The following RYR3 variants were observed in gnomAD, a reference collection of about 807,000 sequenced individuals.
RYR3 encodes the protein brain ryanodine receptor-calcium release channel.
Under a neutral mutation model 584.3 loss-of-function variants are expected in RYR3, and 207 were observed. The ratio of observed to expected loss-of-function variants is 0.35; its 90% CI spans 0.32 to 0.40. The LOEUF (loss-of-function observed/expected upper bound fraction) is 0.40, where lower values mean the gene tolerates loss of function less well. Among genes scored for constraint, RYR3 ranks in the 10% least tolerant of loss-of-function variants. The probability of loss-of-function intolerance (pLI) is 1.00; values close to 1 mark genes in which losing one functional copy is unlikely to be tolerated. For missense variants in RYR3, 5,616 were observed against 6,089.2 expected, an observed-to-expected ratio of 0.92 and a Z score of 2.59; for synonymous variants, 2,416 against 2,248.5, an observed-to-expected ratio of 1.07 and a Z score of -2.11.
At chr15:33,811,621 T>TTGGA (rs1555468844) in intron 72 of RYR3, among the ~76,000 whole-genome samples, 1 of 151,306 alleles carries the variant, frequency 6.6e-6, no homozygotes, top group Non-Finnish European at 1.5e-5. Flanking sequence ...ACAAAGAGGA[T>TTGGA]TACAAAGAGG....
At chr15:33,474,606 T>G (rs1010933492) in intron 2 of RYR3, among the ~76,000 whole-genome samples, 1 of 152,240 alleles carries the variant, frequency 6.6e-6, no homozygotes, top group Non-Finnish European at 1.5e-5. Flanking sequence ...GTCGTTTGGC[T>G]GAATAACGGC....
chr15:33,788,423 C>G lies in RYR3; in HGVS notation c.9795C>G (p.Phe3265Leu), dbSNP rs762093960. ...TCCTCTGCAGAGATCTCTATGCCTT[C>G]TACCCCATGCTGATCCGCTACGTGG... ...FAVLCRDLYAFYPMLIRYVDN... is the reference protein window; with the variant it reads ...FAVLCRDLYALYPMLIRYVDN... Residue 3265 changes from phenylalanine to leucine, a missense_variant, in exon 67 of 104, where the codon TTC becomes TTG. This residue lies in a region of RYR3 where 954 missense variants were observed against 1,132.2 expected (regional missense o/e 0.84). Transcript: ENST00000634891. The G allele has an allele frequency of 2.0e-5, 32 of 1,613,812 alleles. No homozygotes were observed. Among genetic ancestry groups the G allele is most frequent in the Non-Finnish European group, 2.6e-5 (31 of 1,179,832 alleles).
At chr15:33,735,455 C>T (rs2069366492) in intron 48 of RYR3, among the ~76,000 whole-genome samples, 1 of 152,182 alleles carries the variant, frequency 6.6e-6, no homozygotes, top group Admixed American at 6.5e-5. Context: ...AGCTTTACCT[C>T]CTTAGCTCCT....
chr15:33,778,183 A>AAATG (rs2074142268), intron 64 of RYR3, among the ~76,000 whole-genome samples: 1 of 151,750 alleles, frequency 6.6e-6, no homozygotes, highest in Admixed American at 6.6e-5. Context: ...ATAAATAAAT[A>AAATG]AATAAATAAA....
chr15:33,770,222 A>G (rs1384023258), intron 62 of RYR3, among the ~76,000 whole-genome samples: 2 of 152,330 alleles, frequency 1.3e-5, no homozygotes, highest in East Asian at 3.9e-4. Flanking sequence ...AGAGTGGGAC[A>G]CTAAAAGAGC....
intron 2 of RYR3, among the ~76,000 whole-genome samples, chr15:33,499,925 G>T (rs528681470): frequency 3.9e-5 from 6 of 152,182 alleles, no homozygotes; most frequent in Non-Finnish European, 7.3e-5. Flanking sequence ...GAAGAGACAG[G>T]GGCTCGTGAC....
At chr15:33,730,652 T>A (rs557047156) in intron 47 of RYR3, among the ~76,000 whole-genome samples, 3 of 152,344 alleles carry the variant, frequency 2.0e-5, no homozygotes, top group African/African-American at 7.2e-5. Flanking sequence ...CAATATTTCA[T>A]CTCTGTGGAT....
In RYR3 at chr15:33,649,217, G is replaced by A. The variant is rs781652433; in HGVS notation, c.4124G>A (p.Arg1375Lys). ...CTVTVTLGDE[R>K]GRVHESVKRS... ...GTGACTGTCACCCTAGGGGATGAAA[G>A]AGGCCGGGTCCATGAAAGGTAAGGG... The change falls in exon 31 of 104, where the codon AGA becomes AAA. Residue 1375 changes from arginine (R) to lysine (K), a missense_variant. Coordinates refer to ENST00000634891, the MANE Select transcript of RYR3 (RefSeq NM_001036.6). The A allele has an allele frequency of 3.5e-5, 57 of 1,613,088 alleles. 2 individuals are homozygous for A. The South Asian group carries it at 5.3e-4, about 15-fold the overall frequency.
chr15:33,850,446 C>A (rs1255906766), intron 94 of RYR3: 2 of 149,980 alleles, frequency 1.3e-5, no homozygotes, highest in African/African-American at 5.0e-5. Flanking sequence ...GAGACAAGTA[C>A]ACTAAAATGT....
intron 92 of RYR3, 104 bp downstream of exon 92, chr15:33,843,678 C>A: frequency 1.2e-6 from 1 of 819,058 alleles, no homozygotes. Context: ...TTGTAGCAAA[C>A]ATTCTAATAG....
Position 33,612,171 on chromosome 15 carries a change from A to G in RYR3, c.2165-1012A>G, listed in dbSNP as rs751680319. 5.3e-5 allele frequency among the ~76,000 whole-genome samples: 8 copies of G among 152,334 alleles called. No individual in the cohort carries two copies. In the South Asian group the frequency reaches 6.2e-4, roughly 12 times the overall value. ...ATTTACTTTTAGAATTTCCAGAATA[A>G]GATGATATAGGAAAGCAGAGAGGTG... On this transcript the variant is annotated intron_variant, in intron 18 of 103. Transcript: ENST00000634891.
intron 2 of RYR3, among the ~76,000 whole-genome samples, chr15:33,488,145 G>C (rs1205732446): frequency 1.3e-5 from 2 of 152,132 alleles, no homozygotes; most frequent in African/African-American, 4.8e-5. Flanking sequence ...TTATCTGCTT[G>C]AGGCAATACC....
At chr15:33,564,606 C>T (rs1467883398) in intron 11 of RYR3, among the ~76,000 whole-genome samples, 2 of 152,140 alleles carry the variant, frequency 1.3e-5, no homozygotes, top group African/African-American at 4.8e-5. Context: ...TACAGTTTTT[C>T]AAACCTACTA....
At chr15:33,591,881 T>C (rs542918400) in intron 16 of RYR3, among the ~76,000 whole-genome samples, 1 of 152,010 alleles carries the variant, frequency 6.6e-6, no homozygotes, top group Non-Finnish European at 1.5e-5. Flanking sequence ...TCAGAAAAAA[T>C]ATAGTTAGCA....
chr15:33,740,578 A>G (rs1457823659), intron 51 of RYR3, among the ~76,000 whole-genome samples: 1 of 152,176 alleles, frequency 6.6e-6, no homozygotes, highest in Non-Finnish European at 1.5e-5. Context: ...TGACTAGGCC[A>G]TGGAGGTGTG....
chr15:33,374,759 A>C (rs1477273092), intron 1 of RYR3, among the ~76,000 whole-genome samples: 1 of 152,218 alleles, frequency 6.6e-6, no homozygotes, highest in African/African-American at 2.4e-5. Flanking sequence ...ACAGAAATGT[A>C]ATTGTGAGAG....
chr15:33,557,079 T>G (rs2057116135), intron 10 of RYR3, among the ~76,000 whole-genome samples: 1 of 152,218 alleles, frequency 6.6e-6, no homozygotes, highest in African/African-American at 2.4e-5. Flanking sequence ...GATATTCTGT[T>G]CAAGTGAATT....
At chr15:33,803,604 C>T (rs928919981) in intron 69 of RYR3, among the ~76,000 whole-genome samples, 1 of 152,126 alleles carries the variant, frequency 6.6e-6, no homozygotes, top group Non-Finnish European at 1.5e-5. Context: ...TGAGCTCTGC[C>T]TCCCAGATTC....
chr15:33,687,817 A>ATCCT (rs2065123189), intron 38 of RYR3, among the ~76,000 whole-genome samples: 2 of 152,230 alleles, frequency 1.3e-5, no homozygotes, highest in Non-Finnish European at 2.9e-5. Flanking sequence ...TGGGGAAAGG[A>ATCCT]TTCCCTATTT....
Sources: allele counts gnomAD v4.1 joint callset (sites outside exome capture counted in the v4.1 genomes callset), GRCh38; gene constraint gnomAD v4.1.1; regional missense constraint gnomAD v4.1.1; transcripts MANE v1.5; gene names NCBI Gene and HGNC (gene_info 2026-07-23, HGNC 2026-07-21).